DCAF11: variants seen among roughly 807,000 people sequenced by gnomAD.
DCAF11 encodes the protein DDB1 and CUL4 associated factor 11.
Under a neutral mutation model 76.1 loss-of-function variants are expected in DCAF11, and 44 were observed. The ratio of observed to expected loss-of-function variants is 0.58; its 90% CI spans 0.45 to 0.74. The LOEUF is 0.74. Among genes scored for constraint, DCAF11 ranks in the 30% least tolerant of loss-of-function variants. The pLI is 0.00. For missense variants in DCAF11, 604 were observed against 709.4 expected (o/e 0.85, Z 1.69); for synonymous variants, 258 against 255.0 (o/e 1.01, Z -0.11).
intron 13 of DCAF11, 79 bp downstream of exon 13, chr14:24,121,596 C>T: frequency 6.6e-7 from 1 of 1,513,662 alleles, no homozygotes. Context: ...CGACTAGTGA[C>T]CACCTTAAAA....
chr14:24,116,055 G>A (rs1239362717), intron 2 of DCAF11, among the ~76,000 whole-genome samples: 2 of 152,012 alleles, frequency 1.3e-5, no homozygotes, highest in South Asian at 2.1e-4. Flanking sequence ...AAAAAAAAGG[G>A]GGGGGTCCTA....
At chr14:24,116,629 G>A (rs743273) in intron 2 of DCAF11, among the ~76,000 whole-genome samples, 3 of 152,286 alleles carry the variant, frequency 2.0e-5, no homozygotes, top group Admixed American at 1.3e-4. Context: ...TGTCCACAGC[G>A]TATTGGTCTT....
At chr14:24,118,832 C>CG (rs1191944872) in intron 8 of DCAF11, 28 bp downstream of exon 8, 1 of 1,611,894 alleles carries the variant, frequency 6.2e-7, no homozygotes, top group South Asian at 1.1e-5. Flanking sequence ...TGGTCAGACT[C>CG]ATCAGAAACT....
chr14:24,119,276 C>A, intron 9 of DCAF11, 63 bp downstream of exon 9: 2 of 1,594,436 alleles, frequency 1.3e-6, no homozygotes, highest in South Asian at 1.1e-5. Context: ...GAGATGAGTT[C>A]TGCTGTTACA....
intron 11 of DCAF11, 52 bp from the exon 12 acceptor site, chr14:24,120,786 G>A: frequency 6.2e-7 from 1 of 1,601,542 alleles, no homozygotes; most frequent in Non-Finnish European, 8.5e-7. Context: ...AGACTGACAG[G>A]CGCCGACATT....
rs147930939 is a variant in DCAF11 at position 24,117,502 on chromosome 14, G to T, written c.411+109G>T. The T allele has an allele frequency of 2.6e-6, 4 of 1,556,728 alleles. No individual in the cohort carries two copies. The highest frequency in any genetic ancestry group is 3.5e-6 in the Non-Finnish European group (4 of 1,147,216). On this transcript the variant is annotated intron_variant, in intron 4 of 14. Transcript: ENST00000446197. This position sits in a 1 kb window ranked among gnomAD's most constrained non-coding sequence, Gnocchi z 4.3. Reference sequence around the variant, plus strand: ...ACTTTCCAAAGTAGAAGCCTCAAGCGCTGGGGCTGGAGAGTTAACCAGCCT... The same window carrying T: ...ACTTTCCAAAGTAGAAGCCTCAAGCTCTGGGGCTGGAGAGTTAACCAGCCT...
Position 24,115,121 on chromosome 14 carries a change from A to G in DCAF11, c.-386A>G, listed in dbSNP as rs2037514962. ...TAAGGGGGCGCTCTGATTGGTCGAT[A>G]AGGTGGGGGCGTCGAGGGTCTTTGA... On this transcript the variant is annotated 5_prime_UTR_variant, in exon 1 of 15. The change creates a new upstream start codon in the 5' untranslated region. Coordinates refer to ENST00000446197, the MANE Select transcript of DCAF11 (RefSeq NM_025230.5). The G allele has an allele frequency of 6.4e-6, 4 of 622,544 alleles. No homozygotes were observed. The highest frequency in any genetic ancestry group is 8.0e-6 in the Non-Finnish European group (4 of 497,936). The allele number at this position is 622,544 out of a possible 1,614,324, so 38.6% of individuals were successfully genotyped here. A position where few individuals can be genotyped will look rare whatever the true frequency, so the allele number is the denominator to read the frequency against.
At chr14:24,121,954 C>T in intron 13 of DCAF11, 1 of 163,350 alleles carries the variant, frequency 6.1e-6, no homozygotes, top group Non-Finnish European at 1.3e-5. Context: ...GAGGGCAGAT[C>T]ACTTGAGCCC....
rs2037605278 is a variant in DCAF11 at position 24,117,529 on chromosome 14, C to T, written c.411+136C>T. The T allele has an allele frequency of 6.6e-7, 1 of 1,519,070 alleles. No individual in the cohort carries two copies. Among genetic ancestry groups the T allele is most frequent in the South Asian group, 1.2e-5 (1 of 82,392 alleles). The allele number at this position is 1,519,070 out of a possible 1,614,324, so 94.1% of individuals were successfully genotyped here. A position where few individuals can be genotyped will look rare whatever the true frequency, so the allele number is the denominator to read the frequency against. ...TGGGGCTGGAGAGTTAACCAGCCTC[C>T]ATCGGAGTTCTGTGGGACAGACTAT... is the stretch of plus-strand genomic sequence containing the variant. On this transcript the variant is annotated intron_variant, in intron 4 of 14. Coordinates refer to ENST00000446197, the MANE Select transcript of DCAF11 (RefSeq NM_025230.5). The surrounding 1 kb of genome is among the most constrained non-coding windows in gnomAD (Gnocchi z 4.3).
In DCAF11 at chr14:24,117,504, T is replaced by C. The variant is rs916446888; in HGVS notation, c.411+111T>C. 22 of 1,558,746 alleles carry C rather than the reference T, an allele frequency of 1.4e-5. No individual in the cohort carries two copies. In the East Asian group the frequency reaches 4.3e-4, roughly 31 times the overall value. ...TTTCCAAAGTAGAAGCCTCAAGCGC[T>C]GGGGCTGGAGAGTTAACCAGCCTCC... On this transcript the variant is annotated intron_variant, in intron 4 of 14. Transcript: ENST00000446197. This position sits in a 1 kb window ranked among gnomAD's most constrained non-coding sequence, Gnocchi z 4.3.
At position 24,114,919 on chromosome 14, in the gene DCAF11, T is replaced by C; in HGVS notation, c.-588T>C. On this transcript the variant is annotated 5_prime_UTR_variant, in exon 1 of 15. Coordinates refer to ENST00000446197, the MANE Select transcript of DCAF11 (RefSeq NM_025230.5). ...CCGCTGCGGGTCCTGCGACCGCTCC[T>C]GGCTGGTGGGTGGTCTCGCGTGGGG... 1 of 986,018 alleles carries C rather than the reference T, an allele frequency of 1.0e-6. No individual in the cohort carries two copies. Among genetic ancestry groups the C allele is most frequent in the Non-Finnish European group, 1.2e-6 (1 of 830,000 alleles). 61.1% of individuals were successfully genotyped at this position (986,018 alleles called of 1,614,324 possible).
intron 8 of DCAF11, 170 bp downstream of exon 8, chr14:24,118,974 T>C: frequency 1.8e-6 from 2 of 1,129,250 alleles, no homozygotes. Context: ...CTGGGTAAAA[T>C]AGATGGTTGC....
chr14:24,123,483 T>C lies in DCAF11; in HGVS notation c.*174T>C. ...GGAAGATTCTCCCCATGGGGCAGAG[T>C]GGTCTCCTTACGTGCTCACACCCAG... is the stretch of plus-strand genomic sequence containing the variant. On this transcript the variant is annotated 3_prime_UTR_variant, in exon 15 of 15. Transcript: ENST00000446197. 9.3e-7 allele frequency: 1 copy of C among 1,076,508 alleles called. No homozygotes were observed. Among genetic ancestry groups the C allele is most frequent in the Non-Finnish European group, 1.2e-6 (1 of 807,896 alleles). The allele number at this position is 1,076,508 out of a possible 1,614,324, so 66.7% of individuals were successfully genotyped here.
At chr14:24,118,961 G>A (rs751693264) in intron 8 of DCAF11, 157 bp downstream of exon 8, 1 of 1,129,184 alleles carries the variant, frequency 8.9e-7, no homozygotes, top group Non-Finnish European at 1.3e-6. Flanking sequence ...GTCAGCCAGA[G>A]GACTGGGTAA....
At chr14:24,116,819 G>GAGT in intron 2 of DCAF11, 98 bp from the exon 3 acceptor site, 1 of 1,551,894 alleles carries the variant, frequency 6.4e-7, no homozygotes, top group Non-Finnish European at 8.8e-7. Flanking sequence ...ACCTCAAAAT[G>GAGT]AGTACCAAGT....
At chr14:24,119,268 G>T in intron 9 of DCAF11, 55 bp downstream of exon 9, 1 of 1,603,408 alleles carries the variant, frequency 6.2e-7, no homozygotes, top group South Asian at 1.1e-5. Context: ...TTCTGCCAGA[G>T]ATGAGTTCTG....
Position 24,121,463 on chromosome 14 carries a change from C to A in DCAF11, c.1345C>A (p.His449Asn), listed in dbSNP as rs1173207182. The change falls in exon 13 of 15, where the codon CAT becomes AAT. Residue 449 changes from histidine (H) to asparagine (N), a missense_variant. Coordinates refer to ENST00000446197, the MANE Select transcript of DCAF11 (RefSeq NM_025230.5). Reference sequence around the variant, plus strand: ...CATCCGCTGCCGGTTCTCCCCCATTCATAGCACTGGCCAGCAGTTCATCTA... The same window carrying A: ...CATCCGCTGCCGGTTCTCCCCCATTAATAGCACTGGCCAGCAGTTCATCTA... ...TLIRCRFSPIHSTGQQFIYSG... is the reference protein window; with the variant it reads ...TLIRCRFSPINSTGQQFIYSG... 6.2e-7 allele frequency: 1 copy of A among 1,614,080 alleles called. No individual in the cohort carries two copies. Among genetic ancestry groups the A allele is most frequent in the African/African-American group, 1.3e-5 (1 of 74,930 alleles).
chr14:24,121,077 T>G, intron 12 of DCAF11, 86 bp downstream of exon 12: 1 of 1,532,110 alleles, frequency 6.5e-7, no homozygotes, highest in Non-Finnish European at 8.8e-7. Context: ...TTGCCAGGCA[T>G]TAACTCTTTA....
chr14:24,119,388 G>T, intron 9 of DCAF11, 171 bp from the exon 10 acceptor site: 1 of 1,178,970 alleles, frequency 8.5e-7, no homozygotes, highest in East Asian at 2.3e-5. Context: ...GCACGAGATT[G>T]GAGGTGTCAA....
Sources: gnomAD v4.1 joint callset for allele counts (sites outside exome capture counted in the v4.1 genomes callset) on GRCh38, gnomAD v4.1.1 for gene constraint, Gnocchi (gnomAD v3.1) non-coding constraint, MANE v1.5 for transcripts, NCBI Gene and HGNC (gene_info 2026-07-23, HGNC 2026-07-21) for gene names.